The following VEPH1 variants were observed in gnomAD, a reference collection of about 807,000 sequenced individuals.
VEPH1 encodes the protein ventricular zone expressed PH domain containing 1, also known as ventricular zone-expressed PH domain-containing protein homolog 1.
In VEPH1, 80 loss-of-function variants were observed where a neutral mutation model predicts 85.2. The ratio of observed to expected loss-of-function variants is 0.94; its 90% CI spans 0.78 to 1.13. The LOEUF (loss-of-function observed/expected upper bound fraction) is 1.13, where lower values mean the gene tolerates loss of function less well. Among genes scored for constraint, VEPH1 ranks in the 50% most tolerant of loss-of-function variants. The probability of loss-of-function intolerance (pLI) is 0.00; values close to 1 mark genes in which losing one functional copy is unlikely to be tolerated. For missense variants in VEPH1, 955 were observed against 980.5 expected (o/e 0.97, Z 0.35); for synonymous variants, 297 against 348.0 (o/e 0.85, Z 1.63).
rs759015779 is a variant in VEPH1, at chr3:157,442,916, G to A, written c.530-14428C>T. 70 of 1,613,932 alleles carry A rather than the reference G, an allele frequency of 4.3e-5. 1 individual carries two copies. The South Asian group carries it at 7.1e-4, about 16-fold the overall frequency. ...GAGCAGAGTCTTGTCACATCCGGGG[G>A]AATATTGTTGGGTGGGGAGTCACAG... On this transcript the variant is annotated intron_variant, in intron 4 of 13. Coordinates refer to ENST00000362010, the MANE Select transcript of VEPH1 (RefSeq NM_001167912.2).
At chr3:157,394,978 T>C (rs544447395) in intron 6 of VEPH1, among the ~76,000 whole-genome samples, 1 of 152,228 alleles carries the variant, frequency 6.6e-6, no homozygotes, top group South Asian at 2.1e-4. Context: ...CAAAGTATTG[T>C]CACCTGGTTG....
intron 4 of VEPH1, among the ~76,000 whole-genome samples, chr3:157,457,820 G>A (rs1218489782): frequency 6.6e-6 from 1 of 152,130 alleles, no homozygotes; most frequent in Non-Finnish European, 1.5e-5. Flanking sequence ...TTGCCTTGAA[G>A]TTTTCTTTTT....
At chr3:157,413,687 C>A in intron 6 of VEPH1, 194 bp downstream of exon 6, 1 of 977,354 alleles carries the variant, frequency 1.0e-6, no homozygotes, top group Non-Finnish European at 1.2e-6. Context: ...ATTGGGACTC[C>A]CAGAAATCCC....
At chr3:157,430,089 C>G (rs1052638553) in intron 4 of VEPH1, among the ~76,000 whole-genome samples, 2 of 152,152 alleles carry the variant, frequency 1.3e-5, no homozygotes, top group Non-Finnish European at 2.9e-5. Flanking sequence ...CAAATGTAGG[C>G]AATAATATAA....
chr3:157,483,293 C>G (rs935177515), intron 2 of VEPH1, among the ~76,000 whole-genome samples: 1 of 152,048 alleles, frequency 6.6e-6, no homozygotes, highest in African/African-American at 2.4e-5. Flanking sequence ...AAATACAAAC[C>G]ACTTTGAAGG....
At chr3:157,323,192 A>G (rs992578519) in intron 9 of VEPH1, among the ~76,000 whole-genome samples, 1 of 152,248 alleles carries the variant, frequency 6.6e-6, no homozygotes, top group African/African-American at 2.4e-5. Context: ...CAATTATTTC[A>G]TAACTTTGAT....
At chr3:157,409,713 C>A (rs1042854749) in intron 6 of VEPH1, 17 of 985,240 alleles carry the variant, frequency 1.7e-5, no homozygotes, top group Non-Finnish European at 2.0e-5. Flanking sequence ...GAAAGACAGG[C>A]ACACCCTGTC....
intron 9 of VEPH1, among the ~76,000 whole-genome samples, chr3:157,326,981 A>G (rs536210141): frequency 6.6e-5 from 10 of 152,318 alleles, no homozygotes; most frequent in Non-Finnish European, 1.5e-4. Flanking sequence ...TCAGCATTTC[A>G]GAGAATTCAC....
chr3:157,343,201 GAC>G (rs1723786106), intron 9 of VEPH1, among the ~76,000 whole-genome samples: 1 of 152,078 alleles, frequency 6.6e-6, no homozygotes, highest in Non-Finnish European at 1.5e-5. Flanking sequence ...AGGAGATAGA[GAC>G]ACAAAAAACC....
chr3:157,462,787 G>A (rs957852587), intron 3 of VEPH1, among the ~76,000 whole-genome samples: 7 of 152,116 alleles, frequency 4.6e-5, no homozygotes, highest in African/African-American at 1.7e-4. Flanking sequence ...AACTGTCCAG[G>A]TGCTTCTAAT....
chr3:157,369,201 A>AAAAAAAAAAAAAAAAAAAAAAAAAAAC (rs1727200243), intron 7 of VEPH1, among the ~76,000 whole-genome samples: 1 of 147,410 alleles, frequency 6.8e-6, no homozygotes, highest in African/African-American at 2.5e-5. Flanking sequence ...AAAAAAAAAA[A>AAAAAAAAAAAAAAAAAAAAAAAAAAAC]AAACCTCCTG....
At chr3:157,372,670 A>G (rs1727637851) in intron 7 of VEPH1, among the ~76,000 whole-genome samples, 2 of 152,238 alleles carry the variant, frequency 1.3e-5, no homozygotes, top group African/African-American at 4.8e-5. Flanking sequence ...GCTGTATCCA[A>G]CATTTAATAC....
At chr3:157,456,929 T>C (rs1735436357) in intron 4 of VEPH1, among the ~76,000 whole-genome samples, 1 of 152,226 alleles carries the variant, frequency 6.6e-6, no homozygotes, top group Non-Finnish European at 1.5e-5. Flanking sequence ...AGTAATTTAA[T>C]AGGAATAATA....
chr3:157,364,421 C>T lies in VEPH1; in HGVS notation c.1219G>A (p.Val407Ile), dbSNP rs767375080. ...TENEDHEKLQ[V>I]KIQAFEDKIN... ...TTGTCTTCAAAAGCCTGGATTTTAA[C>T]TTGGAGTTTTTCATGGTCTTCATTT... Residue 407 changes from valine to isoleucine, a missense_variant, in exon 8 of 14, where the codon GTT becomes ATT. Val to Ile is a conservative substitution (Grantham distance 29). Coordinates refer to ENST00000362010, the MANE Select transcript of VEPH1 (RefSeq NM_001167912.2). 6 of 1,613,984 alleles carry T rather than the reference C, an allele frequency of 3.7e-6. No individual in the cohort carries two copies. Among genetic ancestry groups the T allele is most frequent in the Non-Finnish European group, 5.1e-6 (6 of 1,179,936 alleles).
At chr3:157,409,136 A>G (rs1268048185) in intron 6 of VEPH1, among the ~76,000 whole-genome samples, 1 of 151,994 alleles carries the variant, frequency 6.6e-6, no homozygotes, top group African/African-American at 2.4e-5. Context: ...TAAGTGTTTT[A>G]TATAAACTGC....
At chr3:157,309,692 A>C (rs1343111376) in intron 11 of VEPH1, among the ~76,000 whole-genome samples, 1 of 152,138 alleles carries the variant, frequency 6.6e-6, no homozygotes, top group African/African-American at 2.4e-5. Context: ...ATTATATTAC[A>C]TAAGCATTTC....
chr3:157,497,349 G>A (rs147677929), intron 1 of VEPH1, among the ~76,000 whole-genome samples: 1 of 152,184 alleles, frequency 6.6e-6, no homozygotes, highest in Non-Finnish European at 1.5e-5. Flanking sequence ...CTTGGAGGAA[G>A]AGCAAAGGAG....
At chr3:157,384,920 C>T (rs1357527804) in intron 6 of VEPH1, among the ~76,000 whole-genome samples, 1 of 152,268 alleles carries the variant, frequency 6.6e-6, no homozygotes, top group South Asian at 2.1e-4. Context: ...GGGTCAGCAC[C>T]TGTAAGCCTT....
chr3:157,265,717 G>T, intron 12 of VEPH1, 55 bp from the exon 13 acceptor site: 1 of 1,590,850 alleles, frequency 6.3e-7, no homozygotes, highest in Non-Finnish European at 8.6e-7. Context: ...TTACTAGGTA[G>T]GTGATCAAAA....
Sources: gnomAD v4.1 joint callset for allele counts (sites outside exome capture counted in the v4.1 genomes callset) on GRCh38, gnomAD v4.1.1 for gene constraint, MANE v1.5 for transcripts, NCBI Gene and HGNC (gene_info 2026-07-23, HGNC 2026-07-21) for gene names.